DCHS2: variants seen among roughly 807,000 people sequenced by gnomAD.
DCHS2 encodes the protein dachsous cadherin-related 2, also known as protocadherin-23.
DCHS2 carries 142 observed loss-of-function variants against 182.4 expected under a neutral mutation model. That is an observed-to-expected ratio of 0.78 (90% CI 0.68 to 0.89). DCHS2 has a LOEUF of 0.89. DCHS2 is among the 40% of genes least tolerant of loss of function. The probability of loss-of-function intolerance (pLI) is 0.00; values close to 1 mark genes in which losing one functional copy is unlikely to be tolerated. For missense variants in DCHS2, 4,319 were observed against 4,198.6 expected (o/e 1.03, Z -0.79); for synonymous variants, 1,740 against 1,663.3 (o/e 1.05, Z -1.12).
chr4:154,323,164 C>T (rs1736142760), intron 7 of DCHS2: 2 of 1,522,398 alleles, frequency 1.3e-6, no homozygotes, highest in South Asian at 1.3e-5. Flanking sequence ...GCATCTCCAA[C>T]GTGTAGCATA....
At chr4:154,326,772 A>G (rs975381194) in intron 7 of DCHS2, among the ~76,000 whole-genome samples, 2 of 152,244 alleles carry the variant, frequency 1.3e-5, no homozygotes, top group African/African-American at 4.8e-5. Flanking sequence ...AATCAATACA[A>G]TAGTGTTTTA....
At chr4:154,466,700 A>C (rs746621992) in intron 1 of DCHS2, among the ~76,000 whole-genome samples, 2 of 152,212 alleles carry the variant, frequency 1.3e-5, no homozygotes, top group Non-Finnish European at 2.9e-5. Flanking sequence ...TTTTTTGCCA[A>C]CTTAAAAAAC....
chr4:154,490,501 G>C lies in DCHS2; in HGVS notation c.855C>G (p.Arg285=), dbSNP rs948481717. The C allele has an allele frequency of 6.5e-7, 1 of 1,537,078 alleles. No homozygotes were observed. Among genetic ancestry groups the C allele is most frequent in the Non-Finnish European group, 8.7e-7 (1 of 1,146,470 alleles). Residue 285 remains arginine (R), a synonymous_variant, in exon 1 of 20, where the codon CGC becomes CGG. Transcript: ENST00000357232. The part of the protein sequence containing the change: ...RRTGLLSVEL[R]VLDENDNPPV... ...GCGGGTTGTCGTTCTCATCCAGCACGCGCAGCTCCACGCTCAGGAGGCCGG... is the reference window on the plus strand; with the variant it reads ...GCGGGTTGTCGTTCTCATCCAGCACCCGCAGCTCCACGCTCAGGAGGCCGG...
chr4:154,275,656 T>G (rs1578897229), intron 13 of DCHS2, among the ~76,000 whole-genome samples: 1 of 152,220 alleles, frequency 6.6e-6, no homozygotes, highest in East Asian at 1.9e-4. Context: ...ACAGGAAATT[T>G]TATTTCAACT....
chr4:154,261,646 G>GTGTT (rs1305174513), intron 14 of DCHS2: 2 of 151,890 alleles, frequency 1.3e-5, no homozygotes, highest in African/African-American at 4.8e-5. Context: ...TTGTTATTGG[G>GTGTT]TGTTTTGGGG....
At chr4:154,314,208 T>C (rs974755298) in intron 10 of DCHS2, among the ~76,000 whole-genome samples, 3 of 152,200 alleles carry the variant, frequency 2.0e-5, no homozygotes, top group African/African-American at 7.2e-5. Context: ...AAGTTCAGTA[T>C]ATGTCTATAT....
At chr4:154,423,372 C>T (rs760822284) in intron 1 of DCHS2, among the ~76,000 whole-genome samples, 32 of 152,190 alleles carry the variant, frequency 2.1e-4, no homozygotes, top group African/African-American at 4.8e-4. Context: ...TTTTGTAGTA[C>T]GTGTCAGCAC....
rs78494696 is a variant in DCHS2, at chr4:154,416,016, C to G, written c.2053-38572G>C. Among the ~76,000 whole-genome samples, 622 of 152,082 alleles carry G rather than the reference C, an allele frequency of 4.1e-3. 6 individuals carry two copies. Among genetic ancestry groups the G allele is most frequent in the African/African-American group, 0.015 (603 of 41,458 alleles). ...TACACCTGTATACAAAATTCTTGCA[C>G]GTGGTTTATAAGGAAATAAACATAT... On this transcript the variant is annotated intron_variant, in intron 1 of 19. Transcript: ENST00000357232.
chr4:154,374,000 A>T, intron 2 of DCHS2: 6 of 931,126 alleles, frequency 6.4e-6, no homozygotes, highest in Non-Finnish European at 8.5e-6. Context: ...ATATTTTAAT[A>T]GCAAAAAAAA....
chr4:154,344,351 G>A, intron 3 of DCHS2, among the ~76,000 whole-genome samples: 1 of 152,204 alleles, frequency 6.6e-6, no homozygotes, highest in East Asian at 1.9e-4. Context: ...TATCTGTGAA[G>A]CACAATGAAG....
At chr4:154,381,701 A>G (rs553291246) in intron 1 of DCHS2, among the ~76,000 whole-genome samples, 2 of 152,290 alleles carry the variant, frequency 1.3e-5, no homozygotes, top group South Asian at 4.1e-4. Context: ...ACCAAAAAAT[A>G]AAATACCTAG....
intron 12 of DCHS2, 28 bp from the exon 13 acceptor site, chr4:154,298,736 T>G: frequency 6.5e-7 from 1 of 1,528,714 alleles, no homozygotes; most frequent in South Asian, 1.3e-5. Context: ...TACAAATTCA[T>G]TTGAATTGAA....
At chr4:154,337,737 T>C (rs1343082254) in intron 3 of DCHS2, among the ~76,000 whole-genome samples, 1 of 151,192 alleles carries the variant, frequency 6.6e-6, no homozygotes, top group African/African-American at 2.4e-5. Flanking sequence ...CATATTTTAT[T>C]ATTATTATTA....
At chr4:154,338,602 A>AATTTGTGTAAG (rs1447269640) in intron 3 of DCHS2, among the ~76,000 whole-genome samples, 2 of 152,212 alleles carry the variant, frequency 1.3e-5, no homozygotes, top group Non-Finnish European at 2.9e-5. Context: ...AATAACTCAG[A>AATTTGTGTAAG]AATCTACTCT....
chr4:154,323,962 T>C (rs1406844153), intron 7 of DCHS2, among the ~76,000 whole-genome samples: 1 of 152,174 alleles, frequency 6.6e-6, no homozygotes, highest in Non-Finnish European at 1.5e-5. Flanking sequence ...TGGTTTATCA[T>C]CCCTTTTTCA....
intron 1 of DCHS2, among the ~76,000 whole-genome samples, chr4:154,474,484 C>T (rs1445818468): frequency 1.3e-5 from 2 of 152,196 alleles, no homozygotes; most frequent in Non-Finnish European, 2.9e-5. Flanking sequence ...CTGAAGGGCA[C>T]CTCCATCCCA....
chr4:154,363,790 C>G (rs1730229315), intron 3 of DCHS2, among the ~76,000 whole-genome samples: 1 of 152,102 alleles, frequency 6.6e-6, no homozygotes, highest in East Asian at 1.9e-4. Flanking sequence ...ATACATACAT[C>G]AAAACACCAC....
intron 10 of DCHS2, among the ~76,000 whole-genome samples, chr4:154,307,269 A>G (rs1452426371): frequency 3.3e-5 from 5 of 152,252 alleles, no homozygotes; most frequent in African/African-American, 4.8e-5. Flanking sequence ...ATTTGGCCTC[A>G]TTCTATCACC....
intron 10 of DCHS2, among the ~76,000 whole-genome samples, chr4:154,308,377 C>T (rs1005074069): frequency 1.3e-5 from 2 of 152,050 alleles, no homozygotes; most frequent in Non-Finnish European, 2.9e-5. Flanking sequence ...TATTTTTCTC[C>T]TGGTTCCAGG....
Sources: allele counts gnomAD v4.1 joint callset (sites outside exome capture counted in the v4.1 genomes callset), GRCh38; gene constraint gnomAD v4.1.1; transcripts MANE v1.5; gene names NCBI Gene and HGNC (gene_info 2026-07-23, HGNC 2026-07-21).